Variants in CSMD3 observed in about 807,000 individuals in gnomAD.
CSMD3 encodes CUB and Sushi multiple domains 3, also known as CUB and sushi domain-containing protein 3.
A neutral mutation model predicts 435.2 loss-of-function variants in CSMD3; 177 were observed. The observed-to-expected ratio is 0.41, with a 90% confidence interval of 0.36 to 0.46. The LOEUF is 0.46. Ranked by LOEUF, CSMD3 falls within the 20% of genes least tolerant of loss-of-function variation. The pLI is 0.34. For missense variants in CSMD3, 4,265 were observed against 4,504.6 expected, an observed-to-expected ratio of 0.95 and a Z score of 1.52; for synonymous variants, 1,656 against 1,520.5, an observed-to-expected ratio of 1.09 and a Z score of -2.07.
chr8:113,226,975 A>G (rs1306345124), intron 3 of CSMD3, among the ~76,000 whole-genome samples: 1 of 151,608 alleles, frequency 6.6e-6, no homozygotes, highest in East Asian at 1.9e-4. Flanking sequence ...ATCTACATTT[A>G]CCACTCACAA....
intron 40 of CSMD3, among the ~76,000 whole-genome samples, chr8:112,350,186 A>G (rs1826011810): frequency 6.6e-6 from 1 of 151,722 alleles, no homozygotes; most frequent in Admixed American, 6.6e-5. Context: ...AAACTACCCA[A>G]TCTGGAGTGT....
intron 1 of CSMD3, among the ~76,000 whole-genome samples, chr8:113,417,905 TA>T (rs879268617): frequency 4.0e-5 from 6 of 151,818 alleles, no homozygotes; most frequent in African/African-American, 1.2e-4. Flanking sequence ...TACAGGAGGA[TA>T]AAAAAGAGAT....
chr8:112,588,602 G>A (rs1830924444), intron 22 of CSMD3, among the ~76,000 whole-genome samples: 1 of 151,862 alleles, frequency 6.6e-6, no homozygotes, highest in Non-Finnish European at 1.5e-5. Flanking sequence ...ACAAATACAG[G>A]AACAAAATGA....
intron 12 of CSMD3, among the ~76,000 whole-genome samples, chr8:112,808,833 C>G (rs973141970): frequency 6.6e-6 from 1 of 151,738 alleles, no homozygotes; most frequent in Non-Finnish European, 1.5e-5. Flanking sequence ...GTCTCTCGGT[C>G]GCCAGCAATA....
chr8:113,153,931 A>C (rs1055321057), intron 4 of CSMD3, among the ~76,000 whole-genome samples: 1 of 151,990 alleles, frequency 6.6e-6, no homozygotes, highest in African/African-American at 2.4e-5. Flanking sequence ...AAGAAAAAAA[A>C]CCCATCCAGT....
intron 13 of CSMD3, among the ~76,000 whole-genome samples, chr8:112,768,351 T>C (rs936085572): frequency 6.6e-6 from 1 of 151,890 alleles, no homozygotes; most frequent in East Asian, 1.9e-4. Context: ...AGGGCTATGT[T>C]GCTTTCACTT....
rs1045532950 is a variant in CSMD3, at chr8:112,786,176, G to C, written c.1972+13986C>G. Among the ~76,000 whole-genome samples, 3 of 152,178 alleles carry C rather than the reference G, an allele frequency of 2.0e-5. No homozygotes were observed. In the East Asian group the frequency reaches 5.8e-4, roughly 29 times the overall value. ...CAAAGATGCCAAGAACATACACTGG[G>C]GAAAGGACAGTCTCTTGGATAAATG... On this transcript the variant is annotated intron_variant, in intron 13 of 70. Transcript: ENST00000297405.
intron 27 of CSMD3, among the ~76,000 whole-genome samples, chr8:112,517,846 G>T (rs1163903631): frequency 6.6e-6 from 1 of 152,144 alleles, no homozygotes; most frequent in Non-Finnish European, 1.5e-5. Flanking sequence ...ACTCTGGAAA[G>T]GATTATGGCA....
intron 1 of CSMD3, among the ~76,000 whole-genome samples, chr8:113,355,487 A>G (rs987138437): frequency 6.6e-6 from 1 of 151,746 alleles, no homozygotes; most frequent in African/African-American, 2.4e-5. Context: ...CATGGTGGAG[A>G]GAGAGATCAC....
In CSMD3 at chr8:112,635,300, A is replaced by G. The variant is rs1033979472; in HGVS notation, c.3715+1517T>C. Among the ~76,000 whole-genome samples the G allele has an allele frequency of 3.9e-5, 6 of 152,044 alleles. No individual in the cohort carries two copies. The East Asian group carries it at 1.2e-3, about 29-fold the overall frequency. On this transcript the variant is annotated intron_variant, in intron 22 of 70. Transcript: ENST00000297405. Reference sequence around the variant, plus strand: ...AATGAGTTAGGTGCTACAGTTGCAAACATTTTGCTGATGAGAAAAATGAAG... The same window carrying G: ...AATGAGTTAGGTGCTACAGTTGCAAGCATTTTGCTGATGAGAAAAATGAAG...
At chr8:112,311,880 G>A (rs1193842694) in intron 49 of CSMD3, among the ~76,000 whole-genome samples, 2 of 152,076 alleles carry the variant, frequency 1.3e-5, no homozygotes, top group Non-Finnish European at 2.9e-5. Flanking sequence ...GGCTTTGGGG[G>A]TAAATAGTAA....
intron 5 of CSMD3, among the ~76,000 whole-genome samples, chr8:113,037,341 A>G (rs978517060): frequency 1.3e-5 from 2 of 152,080 alleles, no homozygotes; most frequent in African/African-American, 2.4e-5. Flanking sequence ...TCATTACTTT[A>G]ATTTATTTCC....
At chr8:113,342,794 C>T (rs944857386) in intron 1 of CSMD3, among the ~76,000 whole-genome samples, 3 of 151,832 alleles carry the variant, frequency 2.0e-5, no homozygotes, top group Non-Finnish European at 4.4e-5. Context: ...TCCAAAATGC[C>T]TTCTAAGTCA....
At chr8:113,116,551 G>A (rs140229897) in intron 4 of CSMD3, among the ~76,000 whole-genome samples, 2 of 152,252 alleles carry the variant, frequency 1.3e-5, no homozygotes, top group African/African-American at 4.8e-5. Flanking sequence ...GGTACAGGGA[G>A]CGGGGCACTT....
chr8:112,484,352 A>G (rs1290129304), intron 31 of CSMD3, among the ~76,000 whole-genome samples: 1 of 152,166 alleles, frequency 6.6e-6, no homozygotes, highest in Non-Finnish European at 1.5e-5. Context: ...TAATCGTTTC[A>G]GATACCTCAA....
chr8:112,595,100 G>A (rs1206904472), intron 22 of CSMD3, among the ~76,000 whole-genome samples: 1 of 149,448 alleles, frequency 6.7e-6, no homozygotes, highest in African/African-American at 2.4e-5. Context: ...CAAAGGCAAA[G>A]AAGTTGAAAA....
At chr8:112,426,168 C>A (rs1041406292) in intron 32 of CSMD3, among the ~76,000 whole-genome samples, 2 of 151,996 alleles carry the variant, frequency 1.3e-5, no homozygotes, top group African/African-American at 4.8e-5. Flanking sequence ...GATTGTTTAG[C>A]TTAATTCTAG....
chr8:112,863,525 G>T (rs1185091909), intron 10 of CSMD3, among the ~76,000 whole-genome samples: 26 of 151,498 alleles, frequency 1.7e-4, no homozygotes, highest in Admixed American at 1.7e-3. Flanking sequence ...TTATTCTTTT[G>T]CCAGTACCAT....
intron 31 of CSMD3, among the ~76,000 whole-genome samples, chr8:112,477,939 T>A (rs1163996824): frequency 6.6e-6 from 1 of 151,430 alleles, no homozygotes; most frequent in East Asian, 1.9e-4. Context: ...TGGTGGGAGG[T>A]CACTGAATCA....
Sources: allele counts gnomAD v4.1 joint callset (sites outside exome capture counted in the v4.1 genomes callset), GRCh38; gene constraint gnomAD v4.1.1; transcripts MANE v1.5; gene names NCBI Gene and HGNC (gene_info 2026-07-23, HGNC 2026-07-21).